The following ALOX12B variants were observed in gnomAD, a reference collection of about 807,000 sequenced individuals.
The protein encoded by ALOX12B is arachidonate 12-lipoxygenase, 12R type.
ALOX12B carries 47 observed loss-of-function variants against 78.9 expected under a neutral mutation model. That is an observed-to-expected ratio of 0.60 (90% CI 0.47 to 0.76). ALOX12B has a LOEUF of 0.76. Ranked by LOEUF, ALOX12B falls within the 30% of genes least tolerant of loss-of-function variation. The pLI, the probability that ALOX12B is intolerant of heterozygous loss-of-function variation, is 0.00. For synonymous variants in ALOX12B, 370 were observed against 374.5 expected, an observed-to-expected ratio of 0.99 and a Z score of 0.14; for missense variants, 805 against 922.6, an observed-to-expected ratio of 0.87 and a Z score of 1.65.
At position 8,079,613 on chromosome 17, in the gene ALOX12B, G is replaced by A. The variant is rs552783943; in HGVS notation, c.928-74C>T. ...CCGTGACCCGCGCCGCAGGTGCACA[G>A]GGCGCTGGCGACTAGGGGCAGGGGT... is the stretch of plus-strand genomic sequence containing the variant. On this transcript the variant is annotated intron_variant, in intron 7 of 14. Coordinates refer to ENST00000647874, the MANE Select transcript of ALOX12B (RefSeq NM_001139.3). This position sits in a 1 kb window ranked among gnomAD's most constrained non-coding sequence, Gnocchi z 6.4. The A allele has an allele frequency of 2.3e-4, 359 of 1,540,214 alleles. 1 individual carries two copies. The highest frequency in any genetic ancestry group is 1.4e-3 in the Admixed American group (70 of 50,690).
rs753586139 is a variant in ALOX12B at position 8,072,960 on chromosome 17, G to A, written c.1927-10C>T. 6.2e-7 allele frequency: 1 copy of A among 1,609,616 alleles called. No individual in the cohort carries two copies. Among genetic ancestry groups the A allele is most frequent in the Non-Finnish European group, 8.5e-7 (1 of 1,177,578 alleles). ...AGTGTCCCAGGGGCCGCTGCGGGCA[G>A]AGAGCTCGACAGCTGGGACCAGGGC... On this transcript the variant is annotated splice_polypyrimidine_tract_variant and intron_variant, in intron 14 of 14. Coordinates refer to ENST00000647874, the MANE Select transcript of ALOX12B (RefSeq NM_001139.3).
chr17:8,080,341 A>T lies in ALOX12B; in HGVS notation c.651-3T>A, dbSNP rs373704972. The T allele has an allele frequency of 6.2e-7, 1 of 1,613,996 alleles. No individual in the cohort carries two copies. The highest frequency in any genetic ancestry group is 1.3e-5 in the African/African-American group (1 of 74,946). ...CGCGGACTTTGAAAGCCAGTGCCCT[A>T]GGAGATGGGATTCCAGGAAGAGGCC... On this transcript the variant is annotated splice_polypyrimidine_tract_variant and splice_region_variant and intron_variant, in intron 5 of 14. Transcript: ENST00000647874. The surrounding 1 kb of genome is among the most constrained non-coding windows in gnomAD (Gnocchi z 4.8).
Position 8,079,650 on chromosome 17 carries a change from AG to A in ALOX12B, c.928-112del. The stretch of plus-strand genomic sequence containing the variant: ...CTAGGGGCAGGGGTGGGACGGGGAC[AG>A]GGACGCGGGGTGCGGGCTTGCCTGG... On this transcript the variant is annotated intron_variant, in intron 7 of 14. Transcript: ENST00000647874. This position sits in a 1 kb window ranked among gnomAD's most constrained non-coding sequence, Gnocchi z 6.4. 6.5e-7 allele frequency: 1 copy of A among 1,531,608 alleles called. No homozygotes were observed. The highest frequency in any genetic ancestry group is 2.5e-5 in the East Asian group (1 of 40,612). The allele number at this position is 1,531,608 out of a possible 1,614,324, so 94.9% of individuals were successfully genotyped here.
intron 12 of ALOX12B, among the ~76,000 whole-genome samples, chr17:8,074,179 C>T (rs1977038516): frequency 6.6e-6 from 1 of 152,148 alleles, no homozygotes; most frequent in Non-Finnish European, 1.5e-5. Context: ...ACTCTGTGCC[C>T]ACTCCAGATG....
Position 8,080,919 on chromosome 17 carries a change from A to G in ALOX12B, c.492T>C (p.Pro164=). The G allele has an allele frequency of 1.2e-6, 2 of 1,613,780 alleles. No homozygotes were observed. The highest frequency in any genetic ancestry group is 1.7e-6 in the Non-Finnish European group (2 of 1,179,968). Residue 164 remains proline, a synonymous_variant, in exon 4 of 15, where the codon CCT becomes CCC. Transcript: ENST00000647874. This position sits in a 1 kb window ranked among gnomAD's most constrained non-coding sequence, Gnocchi z 4.8. ...TGGGGTTGCGATGCCTCCGCACCGG[A>G]GGGCGGTAACTGGGAATGTGCACAT... The part of the protein sequence containing the change: ...PSYVHIPSYR[P]PVRRHRNPNR...
intron 12 of ALOX12B, among the ~76,000 whole-genome samples, 189 bp downstream of exon 12, chr17:8,075,406 A>G (rs1255982031): frequency 2.0e-5 from 3 of 151,910 alleles, no homozygotes; most frequent in African/African-American, 7.3e-5. Flanking sequence ...TTCTTCCCCA[A>G]CCTCTCTGAG....
intron 11 of ALOX12B, 98 bp from the exon 12 acceptor site, chr17:8,075,814 C>T (rs779307630): frequency 8.5e-5 from 135 of 1,596,298 alleles, no homozygotes; most frequent in Non-Finnish European, 1.1e-4. Context: ...CCTCAGTTGG[C>T]CCCAGAGCTG....
intron 2 of ALOX12B, 126 bp from the exon 3 acceptor site, chr17:8,081,313 C>G: frequency 1.1e-6 from 1 of 913,628 alleles, no homozygotes; most frequent in South Asian, 1.4e-5. Context: ...AGTGGGAAGG[C>G]TCACCTTGGG....
Position 8,084,018 on chromosome 17 carries a change from CGTGGTGGCACTCGCCT to C in ALOX12B, c.352+1982_352+1997del, listed in dbSNP as rs1567984559. On this transcript the variant is annotated intron_variant, in intron 2 of 14. Transcript: ENST00000647874. ...CTAAAAATACAAAAAATTAGCCGGG[CGTGGTGGCACTCGCCT>C]GTAGTCCCAGCTACTCAGGAGGCTG... is the stretch of plus-strand genomic sequence containing the variant. Among the ~76,000 whole-genome samples the C allele has an allele frequency of 7.3e-5, 11 of 151,602 alleles. No homozygotes were observed. The South Asian group carries it at 2.3e-3, about 32-fold the overall frequency.
At position 8,079,755 on chromosome 17, in the gene ALOX12B, G is replaced by C; in HGVS notation, c.927+14C>G. On this transcript the variant is annotated intron_variant, in intron 7 of 14. Coordinates refer to ENST00000647874, the MANE Select transcript of ALOX12B (RefSeq NM_001139.3). The surrounding 1 kb of genome is among the most constrained non-coding windows in gnomAD (Gnocchi z 6.4). ...CGGGAGGAGGGCCGGGGTCTCCGCC[G>C]GAGCGGGCCTCACCTCCAGCTCCGC... 1 of 1,609,082 alleles carries C rather than the reference G, an allele frequency of 6.2e-7. No individual in the cohort carries two copies. Among genetic ancestry groups the C allele is most frequent in the South Asian group, 1.1e-5 (1 of 90,564 alleles).
In ALOX12B at chr17:8,072,855, G is replaced by C; in HGVS notation, c.2022C>G (p.His674Gln). The change falls in exon 15 of 15, where the codon CAC becomes CAG. Residue 674 changes from histidine to glutamine, a missense_variant. Physicochemically the swap from His to Gln is conservative, Grantham distance 24. Transcript: ENST00000647874. Reference sequence around the variant, plus strand: ...GGCACTTGTTGCGCTGGCGGATGTCGTGTGAGATCTGGTTCAGGCGCTGGC... The same window carrying C: ...GGCACTTGTTGCGCTGGCGGATGTCCTGTGAGATCTGGTTCAGGCGCTGGC... ...AFRQRLNQIS[H>Q]DIRQRNKCLP... The C allele has an allele frequency of 6.2e-7, 1 of 1,614,210 alleles. No homozygotes were observed. The highest frequency in any genetic ancestry group is 1.7e-4 in the Middle Eastern group (1 of 6,060).
intron 10 of ALOX12B, 67 bp from the exon 11 acceptor site, chr17:8,076,411 A>G (rs771213571): frequency 2.4e-5 from 37 of 1,537,380 alleles, no homozygotes; most frequent in Non-Finnish European, 3.3e-5. Flanking sequence ...GTCCTCTAGG[A>G]TCCCAGTAAG....
chr17:8,073,178 G>C lies in ALOX12B; in HGVS notation c.1896C>G (p.Leu632=). 1 of 1,614,170 alleles carries C rather than the reference G, an allele frequency of 6.2e-7. No homozygotes were observed. The highest frequency in any genetic ancestry group is 8.5e-7 in the Non-Finnish European group (1 of 1,180,030). The change falls in exon 14 of 15, where the codon CTC becomes CTG. Residue 632 remains leucine, a synonymous_variant. Coordinates refer to ENST00000647874, the MANE Select transcript of ALOX12B (RefSeq NM_001139.3). ...CGTCAGGCTCTCGGCTGAGGGTCCAGAGCACCAGCAGCGTGATGCACGTGG... is the reference window on the plus strand; with the variant it reads ...CGTCAGGCTCTCGGCTGAGGGTCCACAGCACCAGCAGCGTGATGCACGTGG... The part of the protein sequence containing the change: ...VKTTCITLLV[L]WTLSREPDDR...
In ALOX12B at chr17:8,073,770, G is replaced by A. The variant is rs756718354; in HGVS notation, c.1655-13C>T. The A allele has an allele frequency of 7.0e-5, 112 of 1,611,132 alleles. No homozygotes were observed. The South Asian group carries it at 1.2e-3, about 17-fold the overall frequency. ...CACCTAGGGAAGCCTGACCGGCGGGGGAAAAGCCCAGGCGACATCAGTCGT... is the reference window on the plus strand; with the variant it reads ...CACCTAGGGAAGCCTGACCGGCGGGAGAAAAGCCCAGGCGACATCAGTCGT... On this transcript the variant is annotated splice_polypyrimidine_tract_variant and intron_variant, in intron 12 of 14. Coordinates refer to ENST00000647874, the MANE Select transcript of ALOX12B (RefSeq NM_001139.3).
intron 2 of ALOX12B, among the ~76,000 whole-genome samples, chr17:8,084,845 AC>A (rs1160287771): frequency 6.6e-6 from 1 of 152,150 alleles, no homozygotes; most frequent in Non-Finnish European, 1.5e-5. Context: ...ATAAGAGAGG[AC>A]AGGCCCCCAG....
rs1977022817 is a variant in ALOX12B at position 8,073,429 on chromosome 17, G to C, written c.1756-111C>G. On this transcript the variant is annotated intron_variant, in intron 13 of 14. Coordinates refer to ENST00000647874, the MANE Select transcript of ALOX12B (RefSeq NM_001139.3). ...TCGCTGAGATGGACTCCCCGCCCTTGGCGCTGAGGCTGGGCTGGGTTGGTT... is the reference window on the plus strand; with the variant it reads ...TCGCTGAGATGGACTCCCCGCCCTTCGCGCTGAGGCTGGGCTGGGTTGGTT... 9 of 1,479,308 alleles carry C rather than the reference G, an allele frequency of 6.1e-6. No homozygotes were observed. In the South Asian group the frequency reaches 1.0e-4, roughly 17 times the overall value. The allele number at this position is 1,479,308 out of a possible 1,614,324, so 91.6% of individuals were successfully genotyped here.
chr17:8,076,174 C>T lies in ALOX12B; in HGVS notation c.1532+1G>A. On this transcript the variant is annotated splice_donor_variant, in intron 11 of 14. Transcript: ENST00000647874. LOFTEE classifies it high-confidence loss of function. ...GCCACCCACTGCTGTCCTGAGCTCA[C>T]TTCTCCAGTGCATTCCACACCGCCA... 6.2e-7 allele frequency: 1 copy of T among 1,614,060 alleles called. No homozygotes were observed. Among genetic ancestry groups the T allele is most frequent in the Non-Finnish European group, 8.5e-7 (1 of 1,180,010 alleles).
chr17:8,078,440 A>G (rs1025563448), intron 8 of ALOX12B, among the ~76,000 whole-genome samples: 15 of 148,300 alleles, frequency 1.0e-4, no homozygotes, highest in African/African-American at 3.7e-4. Flanking sequence ...GTGAGCCACC[A>G]CACCGGGCCT....
At chr17:8,076,377 C>G (rs779915450) in intron 10 of ALOX12B, 33 bp from the exon 11 acceptor site, 1 of 1,566,160 alleles carries the variant, frequency 6.4e-7, no homozygotes, top group Non-Finnish European at 8.7e-7. Flanking sequence ...TGGAGCCGGA[C>G]AGGCATCCCT....
Sources: gnomAD v4.1 joint callset for allele counts (sites outside exome capture counted in the v4.1 genomes callset) on GRCh38, gnomAD v4.1.1 for gene constraint, Gnocchi (gnomAD v3.1) non-coding constraint, MANE v1.5 for transcripts, NCBI Gene and HGNC (gene_info 2026-07-23, HGNC 2026-07-21) for gene names.